RNF157: variants seen among roughly 807,000 people sequenced by gnomAD.
RNF157 encodes ring finger protein 157.
A neutral mutation model predicts 88.3 loss-of-function variants in RNF157; 55 were observed. The ratio of observed to expected loss-of-function variants is 0.62; its 90% CI spans 0.50 to 0.78. The LOEUF is 0.78. Ranked by LOEUF, RNF157 falls within the 30% of genes least tolerant of loss-of-function variation. The probability of loss-of-function intolerance (pLI) is 0.00; values close to 1 mark genes in which losing one functional copy is unlikely to be tolerated. For missense variants in RNF157, 788 were observed against 860.8 expected, an observed-to-expected ratio of 0.92 and a Z score of 1.06; for synonymous variants, 334 against 341.2, an observed-to-expected ratio of 0.98 and a Z score of 0.23.
intron 17 of RNF157, 125 bp from the exon 18 acceptor site, chr17:76,152,590 TAA>T (rs2068697216): frequency 1.5e-6 from 1 of 667,314 alleles, no homozygotes; most frequent in African/African-American, 1.8e-5. Flanking sequence ...AAAAAGACAA[TAA>T]TTAAGCGGAT....
rs552612712 is a variant in RNF157 at position 76,152,732 on chromosome 17, C to T, written c.1811-267G>A. 4 of 432,044 alleles carry T rather than the reference C, an allele frequency of 9.3e-6. No homozygotes were observed. The East Asian group carries it at 1.5e-4, about 16-fold the overall frequency. 26.8% of individuals were successfully genotyped at this position (432,044 alleles called of 1,614,324 possible). On this transcript the variant is annotated intron_variant, in intron 17 of 18. Coordinates refer to ENST00000269391, the MANE Select transcript of RNF157 (RefSeq NM_052916.3). ...CAGATCACTGAGGAGGGCTGTGGGA[C>T]ACAGGCTCAACAGAGAATACTAGAG...
At chr17:76,213,576 A>AAG (rs2069839117) in intron 1 of RNF157, among the ~76,000 whole-genome samples, 1 of 151,976 alleles carries the variant, frequency 6.6e-6, no homozygotes, top group Admixed American at 6.6e-5. Flanking sequence ...TCTCAAAAAA[A>AAG]AAAAAAAAAA....
At chr17:76,189,431 C>T (rs1455987425) in intron 2 of RNF157, among the ~76,000 whole-genome samples, 3 of 152,166 alleles carry the variant, frequency 2.0e-5, no homozygotes, top group African/African-American at 7.2e-5. Context: ...CTGCTGGTTA[C>T]GGTGACTTTA....
chr17:76,163,387 G>A (rs2068875160), intron 8 of RNF157: 1 of 152,110 alleles, frequency 6.6e-6, no homozygotes, highest in African/African-American at 2.4e-5. Context: ...TAGAGACGGG[G>A]TTTCACCATG....
intron 18 of RNF157, 52 bp from the exon 19 acceptor site, chr17:76,145,405 G>T: frequency 7.1e-7 from 1 of 1,410,490 alleles, no homozygotes. Context: ...GCCAAATCCA[G>T]ATGGTGTCTC....
chr17:76,230,854 AAAAAAG>A (rs1295320027), intron 1 of RNF157, among the ~76,000 whole-genome samples: 136 of 111,394 alleles, frequency 1.2e-3, no homozygotes, highest in African/African-American at 4.7e-3. Flanking sequence ...AAAAAAAAAA[AAAAAAG>A]AGAGAGAGAG....
chr17:76,198,651 A>C (rs1469953640), intron 2 of RNF157, among the ~76,000 whole-genome samples: 1 of 152,204 alleles, frequency 6.6e-6, no homozygotes, highest in Non-Finnish European at 1.5e-5. Context: ...CAGTTGGACA[A>C]CTGGTTACCC....
At chr17:76,162,506 T>C in intron 9 of RNF157, 46 bp downstream of exon 9, 1 of 1,444,164 alleles carries the variant, frequency 6.9e-7, no homozygotes, top group Non-Finnish European at 9.7e-7. Flanking sequence ...GATTTCTCAC[T>C]TGGCCTCCTG....
rs2069678101 is a variant in RNF157 at position 76,206,128 on chromosome 17, A to T, written c.207+6236T>A. ...TGCTTGTAGTCCCAGCTACTGGAGAATCTGAGGTGGGAGGATCACTTAAGC... is the reference window on the plus strand; with the variant it reads ...TGCTTGTAGTCCCAGCTACTGGAGATTCTGAGGTGGGAGGATCACTTAAGC... On this transcript the variant is annotated intron_variant, in intron 2 of 18. Coordinates refer to ENST00000269391, the MANE Select transcript of RNF157 (RefSeq NM_052916.3). 2.0e-5 allele frequency among the ~76,000 whole-genome samples: 3 copies of T among 152,050 alleles called. No individual in the cohort carries two copies. In the South Asian group the frequency reaches 6.2e-4, roughly 32 times the overall value.
intron 18 of RNF157, among the ~76,000 whole-genome samples, chr17:76,150,096 G>T (rs529191468): frequency 2.0e-5 from 3 of 151,258 alleles, no homozygotes; most frequent in Non-Finnish European, 4.4e-5. Context: ...CCACAGAAGC[G>T]TTCCCATTTT....
chr17:76,201,323 CAAAAA>C (rs780243656), intron 2 of RNF157, among the ~76,000 whole-genome samples: 1 of 59,660 alleles, frequency 1.7e-5, no homozygotes, highest in Admixed American at 2.0e-4. Context: ...CTAGTCTCTA[CAAAAA>C]AAAAAAAAAA....
intron 2 of RNF157, among the ~76,000 whole-genome samples, chr17:76,179,703 A>G (rs1323275189): frequency 2.0e-5 from 3 of 152,340 alleles, no homozygotes; most frequent in African/African-American, 7.2e-5. Flanking sequence ...AAAACAAAAA[A>G]TAAGTATCTT....
At chr17:76,210,588 CA>C (rs71161274) in intron 2 of RNF157, among the ~76,000 whole-genome samples, 12 of 53,536 alleles carry the variant, frequency 2.2e-4, no homozygotes, top group Admixed American at 9.7e-4. Flanking sequence ...AGACTCCGTC[CA>C]AAAAAAAAAA....
chr17:76,147,412 A>G, intron 18 of RNF157: 2 of 866,316 alleles, frequency 2.3e-6, no homozygotes, highest in African/African-American at 1.8e-5. Flanking sequence ...CGCCGCCGCC[A>G]CCACCAGCAA....
intron 1 of RNF157, among the ~76,000 whole-genome samples, chr17:76,219,178 C>T (rs1163504088): frequency 6.6e-6 from 1 of 151,588 alleles, no homozygotes; most frequent in African/African-American, 2.4e-5. Flanking sequence ...ATAATAATAA[C>T]AATTTAACAG....
intron 2 of RNF157, among the ~76,000 whole-genome samples, chr17:76,198,591 G>C (rs2069517321): frequency 6.6e-6 from 1 of 152,168 alleles, no homozygotes; most frequent in Non-Finnish European, 1.5e-5. Flanking sequence ...GTATACGTCA[G>C]TGTCCTCTTC....
chr17:76,202,682 G>C (rs2069605954), intron 2 of RNF157: 1 of 164,206 alleles, frequency 6.1e-6, no homozygotes, highest in African/African-American at 2.4e-5. Context: ...ATCTCACCAG[G>C]GGTTGGAGGA....
chr17:76,196,975 T>C (rs892533541), intron 2 of RNF157, among the ~76,000 whole-genome samples: 24 of 152,370 alleles, frequency 1.6e-4, no homozygotes, highest in African/African-American at 4.8e-4. Flanking sequence ...TCTGTCTTCC[T>C]CATCTCTAGA....
chr17:76,169,724 C>T (rs942097347), intron 3 of RNF157, among the ~76,000 whole-genome samples: 20 of 151,076 alleles, frequency 1.3e-4, no homozygotes, highest in African/African-American at 4.9e-4. Context: ...GGATTATAGG[C>T]GTGTGCCACC....
Sources: gnomAD v4.1 joint callset for allele counts (sites outside exome capture counted in the v4.1 genomes callset) on GRCh38, gnomAD v4.1.1 for gene constraint, MANE v1.5 for transcripts, NCBI Gene and HGNC (gene_info 2026-07-23, HGNC 2026-07-21) for gene names.